Variants in ALMS1 observed in about 807,000 individuals in gnomAD.
ALMS1 encodes centrosome-associated protein ALMS1.
In ALMS1, 271 loss-of-function variants were observed where a neutral mutation model predicts 352.2. That is an observed-to-expected ratio of 0.77 (90% CI 0.70 to 0.85). ALMS1 has a LOEUF of 0.85. Ranked by LOEUF, ALMS1 falls within the 40% of genes least tolerant of loss-of-function variation. ALMS1 has a pLI of 0.00. For missense variants in ALMS1, 5,445 were observed against 4,870.7 expected, an observed-to-expected ratio of 1.12 and a Z score of -3.51; for synonymous variants, 1,865 against 1,761.2, an observed-to-expected ratio of 1.06 and a Z score of -1.48.
intron 10 of ALMS1, among the ~76,000 whole-genome samples, chr2:73,494,782 A>G (rs140919643): frequency 1.9e-3 from 285 of 152,350 alleles, no homozygotes; most frequent in Non-Finnish European, 3.2e-3. Context: ...GGTATCTGCT[A>G]GGATTCTCCA....
chr2:73,543,004 G>GA (rs1396395826), intron 12 of ALMS1, among the ~76,000 whole-genome samples: 1 of 151,942 alleles, frequency 6.6e-6, no homozygotes, highest in Non-Finnish European at 1.5e-5. Flanking sequence ...CACAGAATTG[G>GA]AAAAAACGAC....
At chr2:73,592,774 CTCA>C (rs1675459267) in intron 16 of ALMS1, among the ~76,000 whole-genome samples, 1 of 152,134 alleles carries the variant, frequency 6.6e-6, no homozygotes, top group Admixed American at 6.5e-5. Context: ...CTAGGTCTGT[CTCA>C]TGTCTTTAAT....
At position 73,448,812 on chromosome 2, in the gene ALMS1, G is replaced by C. The variant is rs768930001; in HGVS notation, c.2285G>C (p.Ser762Thr). The C allele has an allele frequency of 4.3e-6, 7 of 1,613,920 alleles. No individual in the cohort carries two copies. The East Asian group carries it at 1.3e-4, about 31-fold the overall frequency. The part of the protein sequence containing the change: ...QKTEIPAVQS[S>T]SYSQREKPSI... ...ACTGAGATACCAGCAGTACAGTCTA[G>C]TTCTTACTCACAAAGAGAAAAGCCT... is the stretch of plus-strand genomic sequence containing the variant. The change falls in exon 8 of 23, where the codon AGT becomes ACT. Residue 762 changes from serine to threonine, a missense_variant. Coordinates refer to ENST00000613296, the MANE Select transcript of ALMS1 (RefSeq NM_001378454.1).
intron 6 of ALMS1, among the ~76,000 whole-genome samples, chr2:73,431,440 G>A (rs1392284971): frequency 2.0e-5 from 3 of 152,098 alleles, no homozygotes; most frequent in East Asian, 3.8e-4. Context: ...GGGAAATAAA[G>A]ACAATCTAAA....
At chr2:73,460,416 T>C (rs769063256) in intron 9 of ALMS1, among the ~76,000 whole-genome samples, 43 of 152,198 alleles carry the variant, frequency 2.8e-4, no homozygotes, top group Admixed American at 4.6e-4. Flanking sequence ...AAAATGATTT[T>C]AGACAAAAAC....
intron 8 of ALMS1, 54 bp downstream of exon 8, chr2:73,454,121 G>A (rs926108389): frequency 5.8e-6 from 9 of 1,554,018 alleles, no homozygotes; most frequent in East Asian, 4.9e-5. Context: ...TGTGTTTAAA[G>A]TTAGATATTT....
chr2:73,387,506 AAG>A (rs1670563541), intron 1 of ALMS1, among the ~76,000 whole-genome samples: 2 of 152,178 alleles, frequency 1.3e-5, no homozygotes, highest in Admixed American at 1.3e-4. Context: ...AGGGGAGGGA[AAG>A]AGCCGTCTAG....
At chr2:73,500,086 C>A (rs1292222644) in intron 10 of ALMS1, among the ~76,000 whole-genome samples, 1 of 152,134 alleles carries the variant, frequency 6.6e-6, no homozygotes, top group African/African-American at 2.4e-5. Context: ...ACTAAGACAC[C>A]ATTTGAGCTG....
At chr2:73,602,396 G>C (rs754523691) in intron 20 of ALMS1, 28 bp downstream of exon 20, 1 of 1,613,318 alleles carries the variant, frequency 6.2e-7, no homozygotes, top group Non-Finnish European at 8.5e-7. Context: ...ACTTTCCTGT[G>C]AGTGGAATAG....
chr2:73,566,397 A>C (rs947602055), intron 15 of ALMS1, among the ~76,000 whole-genome samples: 1 of 152,196 alleles, frequency 6.6e-6, no homozygotes, highest in Non-Finnish European at 1.5e-5. Context: ...TGAAGTGCCT[A>C]AGGGGCAGGT....
chr2:73,508,717 TC>T (rs948441908), intron 10 of ALMS1, among the ~76,000 whole-genome samples: 1 of 152,174 alleles, frequency 6.6e-6, no homozygotes, highest in Non-Finnish European at 1.5e-5. Context: ...GTCTGCTTGG[TC>T]CAGACCTGAG....
chr2:73,538,616 A>G (rs1271391400), intron 12 of ALMS1, among the ~76,000 whole-genome samples: 2 of 152,186 alleles, frequency 1.3e-5, no homozygotes, highest in Non-Finnish European at 2.9e-5. Flanking sequence ...GCAAGGGGTC[A>G]TGGAATTCCC....
At chr2:73,545,857 G>A (rs1432977907) in intron 12 of ALMS1, among the ~76,000 whole-genome samples, 2 of 152,218 alleles carry the variant, frequency 1.3e-5, no homozygotes, top group African/African-American at 4.8e-5. Context: ...GGAAGAATAT[G>A]TAATGAAAGA....
In ALMS1 at chr2:73,453,742, C is replaced by T. The variant is rs2103793068; in HGVS notation, c.7215C>T (p.Ile2405=). ...CSGTIGNKII[I]PMMTVIKSDS... is the part of the protein sequence containing the mutation. ...GAACCATTGGGAATAAAATTATTAT[C>T]CCTATGATGACTGTCATAAAAAGTG... Residue 2405 remains isoleucine, a synonymous_variant, in exon 8 of 23, where the codon ATC becomes ATT. Coordinates refer to ENST00000613296, the MANE Select transcript of ALMS1 (RefSeq NM_001378454.1). 6.2e-7 allele frequency: 1 copy of T among 1,614,090 alleles called. No individual in the cohort carries two copies. Among genetic ancestry groups the T allele is most frequent in the Non-Finnish European group, 8.5e-7 (1 of 1,179,992 alleles).
At position 73,599,401 on chromosome 2, in the gene ALMS1, G is replaced by T. The variant is rs759185777; in HGVS notation, c.11548G>T (p.Val3850Leu). Residue 3850 changes from valine (V) to leucine (L), a missense_variant and splice_region_variant, in exon 17 of 23, where the codon GTA becomes TTA. Val to Leu is a conservative substitution (Grantham distance 32). Transcript: ENST00000613296. ...AACAAGATCTCTTTTATTTTTCTAG[G>T]TAGCAAACCATGTGATTTCTTCTGA... The part of the protein sequence containing the change: ...SEHTRRRHIQ[V>L]ANHVISSDSI... The T allele has an allele frequency of 7.4e-6, 12 of 1,612,678 alleles. No homozygotes were observed. The highest frequency in any genetic ancestry group is 1.1e-5 in the South Asian group (1 of 91,066).
chr2:73,521,805 T>C (rs1445495099), intron 11 of ALMS1, among the ~76,000 whole-genome samples: 2 of 152,140 alleles, frequency 1.3e-5, no homozygotes, highest in Admixed American at 1.3e-4. Flanking sequence ...CGGATCAATT[T>C]ATAGAGGCCA....
rs541122374 is a variant in ALMS1 at position 73,449,401 on chromosome 2, C to T, written c.2874C>T (p.Ser958=). 1.4e-5 allele frequency: 22 copies of T among 1,613,960 alleles called. No individual in the cohort carries two copies. Among genetic ancestry groups the T allele is most frequent in the African/African-American group, 1.3e-4 (10 of 74,988 alleles). Residue 958 remains serine, a synonymous_variant, in exon 8 of 23, where the codon AGC becomes AGT. Coordinates refer to ENST00000613296, the MANE Select transcript of ALMS1 (RefSeq NM_001378454.1). ...TGTCCTCTAATTCTCACTCACATAG[C>T]GAGAAATCTAGTGTTTTCTACCAGC... ...PTVSSNSHSH[S]EKSSVFYQQE... is the part of the protein sequence containing the mutation.
chr2:73,604,111 A>G (rs930182044), intron 21 of ALMS1: 8 of 152,256 alleles, frequency 5.3e-5, no homozygotes, highest in Non-Finnish European at 8.8e-5. Context: ...TATGCATAGA[A>G]TATTTCTGGA....
At chr2:73,479,292 T>G (rs1345124055) in intron 9 of ALMS1, among the ~76,000 whole-genome samples, 1 of 152,322 alleles carries the variant, frequency 6.6e-6, no homozygotes, top group East Asian at 1.9e-4. Context: ...ACAACGTTGA[T>G]ATTGATACAG....
Sources: allele counts gnomAD v4.1 joint callset (sites outside exome capture counted in the v4.1 genomes callset), GRCh38; gene constraint gnomAD v4.1.1; transcripts MANE v1.5; gene names NCBI Gene and HGNC (gene_info 2026-07-23, HGNC 2026-07-21).